Variants in PLAAT3 observed in about 807,000 individuals in gnomAD.
PLAAT3 encodes the protein Ca-independent phospholipase A1/2.
In PLAAT3, 21 loss-of-function variants were observed where a neutral mutation model predicts 16.7. The observed-to-expected ratio is 1.26, with a 90% confidence interval of 0.89 to 1.81. The LOEUF is 1.81. PLAAT3 is among the 40% of genes most tolerant of loss of function. The probability of loss-of-function intolerance (pLI) is 0.00; values close to 1 mark genes in which losing one functional copy is unlikely to be tolerated. For missense variants in PLAAT3, 219 were observed against 213.7 expected (o/e 1.02, Z -0.16); for synonymous variants, 76 against 81.7 (o/e 0.93, Z 0.38).
upstream of PLAAT3, among the ~76,000 whole-genome samples, chr11:63,615,034 A>ATATG (rs1555047763): frequency 4.3e-4 from 12 of 28,060 alleles, 2 homozygotes; most frequent in South Asian, 6.4e-3. Flanking sequence ...ATATGTGTGT[A>ATATG]TATATATGTA....
upstream of PLAAT3, chr11:63,614,494 A>C: frequency 1.3e-5 from 2 of 155,440 alleles, no homozygotes; most frequent in East Asian, 1.9e-4. Context: ...CCGCCGGCTA[A>C]TGAGAGCCTC....
At chr11:63,615,216 A>G (rs777697410), upstream of PLAAT3, among the ~76,000 whole-genome samples, 599 of 12,542 alleles carry the variant, frequency 0.048, 38 homozygotes, top group Middle Eastern at 0.14. Flanking sequence ...GTGTATATAT[A>G]TGTGTATATA....
chr11:63,609,946 A>G (rs994940649), intron 2 of PLAAT3, among the ~76,000 whole-genome samples: 6 of 152,058 alleles, frequency 3.9e-5, no homozygotes, highest in African/African-American at 1.2e-4. Context: ...ACCAAGCACT[A>G]CTGGGGGTTT....
chr11:63,606,026 A>G (rs940248415), intron 2 of PLAAT3, among the ~76,000 whole-genome samples: 2 of 152,138 alleles, frequency 1.3e-5, no homozygotes, highest in Non-Finnish European at 2.9e-5. Context: ...GCCTGCACCA[A>G]TTACAGAAGA....
At chr11:63,607,870 C>G (rs541577983) in intron 2 of PLAAT3, among the ~76,000 whole-genome samples, 11 of 151,982 alleles carry the variant, frequency 7.2e-5, no homozygotes, top group South Asian at 6.2e-4. Flanking sequence ...TGGGGTGGAG[C>G]CCAAGCCTGG....
Position 63,598,179 on chromosome 11 carries a change from C to G in PLAAT3, c.16-16G>C. 6.3e-7 allele frequency: 1 copy of G among 1,581,500 alleles called. No homozygotes were observed. The highest frequency in any genetic ancestry group is 2.2e-5 in the East Asian group (1 of 44,712). On this transcript the variant is annotated splice_polypyrimidine_tract_variant and intron_variant, in intron 2 of 4. Coordinates refer to ENST00000415826, the MANE Select transcript of PLAAT3 (RefSeq NM_001128203.2). ...TAGGCTCTGGCTGCAAAACCAAGAA[C>G]AGGGCTGTTAGAGGGAGCATGAGAT...
At chr11:63,601,991 A>AAAG in intron 2 of PLAAT3, among the ~76,000 whole-genome samples, 1 of 150,262 alleles carries the variant, frequency 6.7e-6, no homozygotes, top group East Asian at 2.0e-4. Context: ...AAAAAAAAAA[A>AAAG]AAAAAACAAA....
chr11:63,612,087 G>A (rs769634523), intron 2 of PLAAT3, among the ~76,000 whole-genome samples: 3 of 152,262 alleles, frequency 2.0e-5, no homozygotes, highest in African/African-American at 7.2e-5. Context: ...GCAGCGAGCC[G>A]AGATCACGCC....
chr11:63,615,086 A>ATATATG (rs1565259636), upstream of PLAAT3, among the ~76,000 whole-genome samples: 2 of 20,190 alleles, frequency 9.9e-5, no homozygotes, highest in Non-Finnish European at 3.3e-4. Flanking sequence ...GTGTGTATAT[A>ATATATG]TGTGTATATA....
intron 2 of PLAAT3, among the ~76,000 whole-genome samples, chr11:63,607,505 A>T (rs1210962546): frequency 6.6e-5 from 10 of 151,876 alleles, no homozygotes; most frequent in Admixed American, 2.0e-4. Context: ...AAAATTTAAA[A>T]AATAATAATA....
chr11:63,615,937 G>A (rs963005950), upstream of PLAAT3, among the ~76,000 whole-genome samples: 1 of 152,028 alleles, frequency 6.6e-6, no homozygotes, highest in Non-Finnish European at 1.5e-5. Context: ...GAAAGGGCTG[G>A]GATTACAGGC....
At chr11:63,582,148 T>A (rs553429459) in intron 4 of PLAAT3, among the ~76,000 whole-genome samples, 1 of 152,348 alleles carries the variant, frequency 6.6e-6, no homozygotes, top group African/African-American at 2.4e-5. Flanking sequence ...TGTTGAGGAC[T>A]GCCATAACCA....
chr11:63,606,768 C>A (rs886855256), intron 2 of PLAAT3, among the ~76,000 whole-genome samples: 6 of 148,826 alleles, frequency 4.0e-5, no homozygotes, highest in Non-Finnish European at 8.9e-5. Flanking sequence ...AGTAGGCGTG[C>A]GGGGAGGGCA....
intron 4 of PLAAT3, among the ~76,000 whole-genome samples, chr11:63,582,127 A>G (rs1937835019): frequency 6.6e-6 from 1 of 152,246 alleles, no homozygotes; most frequent in Non-Finnish European, 1.5e-5. Flanking sequence ...TTGTGACTCC[A>G]GAGCCTAGCA....
chr11:63,597,844 C>T (rs1396962432), intron 3 of PLAAT3, among the ~76,000 whole-genome samples: 3 of 152,162 alleles, frequency 2.0e-5, no homozygotes, highest in South Asian at 4.1e-4. Flanking sequence ...GGTTGGGGAC[C>T]CCTGCTCTAA....
intron 2 of PLAAT3, among the ~76,000 whole-genome samples, chr11:63,609,998 A>T (rs915157901): frequency 1.3e-5 from 2 of 152,160 alleles, no homozygotes; most frequent in African/African-American, 4.8e-5. Flanking sequence ...CCATGTTACC[A>T]ATCGGGAAAC....
At chr11:63,581,569 C>T (rs542585547) in intron 4 of PLAAT3, among the ~76,000 whole-genome samples, 116 of 152,302 alleles carry the variant, frequency 7.6e-4, no homozygotes, top group Non-Finnish European at 1.4e-3. Flanking sequence ...CAAGACAATG[C>T]GTGCACAGCA....
chr11:63,613,145 C>G (rs886650747), intron 2 of PLAAT3, among the ~76,000 whole-genome samples: 7 of 152,154 alleles, frequency 4.6e-5, no homozygotes, highest in African/African-American at 1.4e-4. Context: ...GGCTCGGTGG[C>G]TCACGCCTGT....
chr11:63,597,355 T>G (rs1378191569), intron 3 of PLAAT3, among the ~76,000 whole-genome samples: 1 of 151,852 alleles, frequency 6.6e-6, no homozygotes, highest in Non-Finnish European at 1.5e-5. Flanking sequence ...AAACCCCGTC[T>G]CTACTAAAAA....
Sources: allele counts gnomAD v4.1 joint callset (sites outside exome capture counted in the v4.1 genomes callset), GRCh38; gene constraint gnomAD v4.1.1; transcripts MANE v1.5; gene names NCBI Gene and HGNC (gene_info 2026-07-23, HGNC 2026-07-21).